Variants in ZNF609 observed in about 807,000 individuals in gnomAD.
ZNF609 encodes zinc finger protein 609.
A neutral mutation model predicts 109.5 loss-of-function variants in ZNF609; 11 were observed. That is an observed-to-expected ratio of 0.10 (90% CI 0.06 to 0.17). ZNF609 has a LOEUF of 0.17. ZNF609 is among the 10% of genes least tolerant of loss of function. The probability of loss-of-function intolerance (pLI) is 1.00; values close to 1 mark genes in which losing one functional copy is unlikely to be tolerated. For synonymous variants in ZNF609, 646 were observed against 662.0 expected, an observed-to-expected ratio of 0.98 and a Z score of 0.37; for missense variants, 1,559 against 1,772.4, an observed-to-expected ratio of 0.88 and a Z score of 2.16.
chr15:64,658,918 T>A (rs539986438), intron 3 of ZNF609, among the ~76,000 whole-genome samples: 1 of 152,184 alleles, frequency 6.6e-6, no homozygotes, highest in African/African-American at 2.4e-5. Context: ...ATAATGAACC[T>A]GTTACATGGT....
chr15:64,506,147 GTATTTATT>G (rs201381585), intron 2 of ZNF609, among the ~76,000 whole-genome samples: 1 of 151,392 alleles, frequency 6.6e-6, no homozygotes, highest in Admixed American at 6.6e-5. Context: ...ACATAAGTTT[GTATTTATT>G]TATTTATTTA....
intron 1 of ZNF609, among the ~76,000 whole-genome samples, chr15:64,469,541 C>T (rs1275118188): frequency 6.8e-6 from 1 of 147,004 alleles, no homozygotes; most frequent in African/African-American, 2.5e-5. Context: ...AGCCGGTATT[C>T]AGAAGGGCTA....
At chr15:64,476,971 G>A (rs997305112) in intron 1 of ZNF609, among the ~76,000 whole-genome samples, 12 of 151,930 alleles carry the variant, frequency 7.9e-5, no homozygotes, top group South Asian at 2.1e-4. Context: ...GAATTTTCAG[G>A]TTTTTGGTGC....
chr15:64,654,804 A>C (rs1896465441), intron 3 of ZNF609, among the ~76,000 whole-genome samples: 1 of 152,244 alleles, frequency 6.6e-6, no homozygotes, highest in South Asian at 2.1e-4. Context: ...TTAAAAGCAT[A>C]GCGCCAAGTG....
chr15:64,634,078 A>ATG (rs894521951), intron 3 of ZNF609, among the ~76,000 whole-genome samples: 14 of 151,648 alleles, frequency 9.2e-5, no homozygotes, highest in South Asian at 2.1e-4. Context: ...GCATATATAT[A>ATG]TGTGTGTGTG....
chr15:64,622,902 T>G lies in ZNF609; in HGVS notation c.823T>G (p.Ser275Ala), dbSNP rs1423927072. The G allele has an allele frequency of 1.9e-6, 3 of 1,614,214 alleles. No homozygotes were observed. The Admixed American group carries it at 5.0e-5, about 27-fold the overall frequency. The change falls in exon 3 of 10, where the codon TCT becomes GCT. Residue 275 changes from serine (S) to alanine (A), a missense_variant. Ser to Ala is a moderately conservative substitution (Grantham distance 99). Around this residue, in one of 4 missense-constraint regions of ZNF609, gnomAD observed 291 missense variants for 317.8 expected, o/e 0.92. Coordinates refer to ENST00000326648, the MANE Select transcript of ZNF609 (RefSeq NM_015042.2). ...GCCAGTGGTCAACAATGACATCTCA[T>G]CTCCCTGTGAGCAGATCATGGTTCG... ...LVPVVNNDIS[S>A]PCEQIMVRTR...
intron 2 of ZNF609, among the ~76,000 whole-genome samples, chr15:64,530,034 G>GT (rs912871135): frequency 1.3e-5 from 2 of 150,890 alleles, no homozygotes; most frequent in African/African-American, 2.4e-5. Context: ...CCTGGCCTTG[G>GT]TTTTTTTTTA....
chr15:64,631,315 T>G, intron 3 of ZNF609: 1 of 688,880 alleles, frequency 1.5e-6, no homozygotes, highest in South Asian at 1.4e-5. Flanking sequence ...CTTAATGTGC[T>G]GAATACACAC....
chr15:64,637,393 C>G (rs571874938), intron 3 of ZNF609, among the ~76,000 whole-genome samples: 21 of 152,268 alleles, frequency 1.4e-4, no homozygotes, highest in African/African-American at 5.1e-4. Flanking sequence ...ATATTCCTAT[C>G]TATCTATACT....
chr15:64,606,616 C>T (rs1895607010), intron 2 of ZNF609, among the ~76,000 whole-genome samples: 1 of 151,792 alleles, frequency 6.6e-6, no homozygotes, highest in Non-Finnish European at 1.5e-5. Context: ...TCACTGTGTT[C>T]CCCAGGCTAG....
At chr15:64,671,379 A>G (rs994606711) in intron 4 of ZNF609, 9 of 151,938 alleles carry the variant, frequency 5.9e-5, no homozygotes, top group African/African-American at 2.2e-4. Flanking sequence ...TAAAATTAGG[A>G]AAAAAAAGTG....
intron 2 of ZNF609, among the ~76,000 whole-genome samples, chr15:64,597,318 A>G (rs775148874): frequency 2.0e-5 from 3 of 152,176 alleles, no homozygotes; most frequent in Non-Finnish European, 4.4e-5. Context: ...AGGCAGAGAG[A>G]GACAAATGAG....
Position 64,577,022 on chromosome 15 carries a change from AAAT to A in ZNF609, c.748-45803_748-45801del, listed in dbSNP as rs1187453431. 3.1e-4 allele frequency among the ~76,000 whole-genome samples: 38 copies of A among 121,152 alleles called. 1 individual carries two copies. The highest frequency in any genetic ancestry group is 1.1e-3 in the African/African-American group (38 of 34,360). 79.5% of individuals were successfully genotyped at this position (121,152 alleles called of 152,430 possible). The stretch of plus-strand genomic sequence containing the variant: ...AATATATATATGTATGTATACACAT[AAAT>A]ATATATATGTATATATACACATAAA... On this transcript the variant is annotated intron_variant, in intron 2 of 9. Coordinates refer to ENST00000326648, the MANE Select transcript of ZNF609 (RefSeq NM_015042.2).
In ZNF609 at chr15:64,674,068, C is replaced by A; in HGVS notation, c.1214C>A (p.Ala405Asp). The stretch of plus-strand genomic sequence containing the variant: ...AACAGCAGCAAAACCCGGGCAGGAG[C>A]CAATAGCAAAGGCCGTCGGGGCAGC... ...TSNSSKTRAGANSKGRRGSQN... is the reference protein window; with the variant it reads ...TSNSSKTRAGDNSKGRRGSQN... Residue 405 changes from alanine to aspartate, a missense_variant, in exon 5 of 10, where the codon GCC becomes GAC. This residue lies in a region of ZNF609 where 1,204 missense variants were observed against 1,314.1 expected (regional missense o/e 0.92). Transcript: ENST00000326648. 1 of 1,614,160 alleles carries A rather than the reference C, an allele frequency of 6.2e-7. No individual in the cohort carries two copies. Among genetic ancestry groups the A allele is most frequent in the Non-Finnish European group, 8.5e-7 (1 of 1,180,030 alleles).
intron 4 of ZNF609, among the ~76,000 whole-genome samples, chr15:64,670,642 G>A (rs1896711933): frequency 6.6e-6 from 1 of 152,110 alleles, no homozygotes; most frequent in Admixed American, 6.6e-5. Flanking sequence ...ACTTTGGGAG[G>A]CTGAGGCAGG....
At chr15:64,461,146 A>T (rs1892934083) in intron 1 of ZNF609, among the ~76,000 whole-genome samples, 1 of 140,840 alleles carries the variant, frequency 7.1e-6, no homozygotes, top group Non-Finnish European at 1.5e-5. Flanking sequence ...AGCAGGCCAG[A>T]GAGTTTCTGA....
chr15:64,607,967 C>T (rs1371404984), intron 2 of ZNF609, among the ~76,000 whole-genome samples: 3 of 128,534 alleles, frequency 2.3e-5, no homozygotes, highest in African/African-American at 6.0e-5. Flanking sequence ...GGCAGGATCT[C>T]GGCTCACTGC....
chr15:64,522,191 A>G (rs1893901206), intron 2 of ZNF609, among the ~76,000 whole-genome samples: 2 of 152,240 alleles, frequency 1.3e-5, no homozygotes, highest in Non-Finnish European at 1.5e-5. Context: ...ATTATTTTCT[A>G]CTAACGAGGT....
intron 2 of ZNF609, among the ~76,000 whole-genome samples, chr15:64,591,939 C>T (rs1035918263): frequency 6.6e-6 from 1 of 152,028 alleles, no homozygotes; most frequent in Non-Finnish European, 1.5e-5. Flanking sequence ...CTCAAACTGA[C>T]CTCAGGTGAT....
Sources: gnomAD v4.1 joint callset for allele counts (sites outside exome capture counted in the v4.1 genomes callset) on GRCh38, gnomAD v4.1.1 for gene constraint, gnomAD v4.1.1 regional missense constraint, MANE v1.5 for transcripts, NCBI Gene and HGNC (gene_info 2026-07-23, HGNC 2026-07-21) for gene names.